SH3GL2: variants seen among roughly 807,000 people sequenced by gnomAD.
The protein encoded by SH3GL2 is endophilin-A1.
In SH3GL2, 24 loss-of-function variants were observed where a neutral mutation model predicts 46.0. The observed-to-expected ratio is 0.52, with a 90% CI of 0.38 to 0.73. The LOEUF is 0.73. Ranked by LOEUF, SH3GL2 falls within the 30% of genes least tolerant of loss-of-function variation. SH3GL2 has a pLI of 0.00. For synonymous variants in SH3GL2, 196 were observed against 147.1 expected, an observed-to-expected ratio of 1.33 and a Z score of -2.40; for missense variants, 413 against 424.2, an observed-to-expected ratio of 0.97 and a Z score of 0.23.
chr9:17,726,727 A>G lies in SH3GL2; in HGVS notation c.46-20339A>G, dbSNP rs574546135. ...TAGCATTAAAGATATTCCACCTATC[A>G]GGAATATGACATTTAAAACAATGAT... On this transcript the variant is annotated intron_variant, in intron 1 of 8. Transcript: ENST00000380607. Among the ~76,000 whole-genome samples the G allele has an allele frequency of 2.6e-4, 39 of 152,312 alleles. 2 individuals are homozygous for G. The South Asian group carries it at 8.1e-3, about 32-fold the overall frequency.
intron 1 of SH3GL2, among the ~76,000 whole-genome samples, chr9:17,730,826 G>A (rs936468189): frequency 9.2e-5 from 14 of 151,960 alleles, no homozygotes; most frequent in African/African-American, 3.1e-4. Context: ...ATAGTTCTTT[G>A]GGAAATTTCA....
rs767666599 is a variant in SH3GL2, at chr9:17,579,317, C to T, written c.45+30C>T. 4.9e-5 allele frequency: 74 copies of T among 1,505,532 alleles called. 1 individual carries two copies. The East Asian group carries it at 1.9e-3, about 39-fold the overall frequency. The allele number at this position is 1,505,532 out of a possible 1,614,324, so 93.3% of individuals were successfully genotyped here. ...GGCGCGCGGCAGGTGCGTCCCGGGG[C>T]AGTCCGGGGCGAAGCTGCGAGGGGC... On this transcript the variant is annotated intron_variant, in intron 1 of 8. Coordinates refer to ENST00000380607, the MANE Select transcript of SH3GL2 (RefSeq NM_003026.5).
At chr9:17,673,318 A>AT (rs35240605) in intron 1 of SH3GL2, among the ~76,000 whole-genome samples, 61,401 of 140,974 alleles carry the variant, frequency 0.44, 13,154 homozygotes, top group East Asian at 0.51. Context: ...CTAGTTTTTA[A>AT]TTTTTTTTTT....
intron 1 of SH3GL2, among the ~76,000 whole-genome samples, chr9:17,721,805 A>G (rs1440481612): frequency 2.0e-5 from 3 of 152,026 alleles, no homozygotes; most frequent in African/African-American, 7.2e-5. Flanking sequence ...ACTTGAGCCA[A>G]TTCCCCTAAT....
At chr9:17,634,147 G>T (rs899524294) in intron 1 of SH3GL2, among the ~76,000 whole-genome samples, 11 of 152,070 alleles carry the variant, frequency 7.2e-5, no homozygotes, top group Non-Finnish European at 1.5e-4. Flanking sequence ...GTACGGTGGA[G>T]ACCACTGGTA....
intron 1 of SH3GL2, among the ~76,000 whole-genome samples, chr9:17,639,480 A>G (rs1819621332): frequency 6.6e-6 from 1 of 152,252 alleles, no homozygotes; most frequent in Non-Finnish European, 1.5e-5. Context: ...ACAATGCGAT[A>G]CAACTGTATA....
At chr9:17,727,836 C>T (rs1338456132) in intron 1 of SH3GL2, among the ~76,000 whole-genome samples, 1 of 152,114 alleles carries the variant, frequency 6.6e-6, no homozygotes, top group African/African-American at 2.4e-5. Context: ...TGCCCCACCC[C>T]TCTCTTCTGG....
chr9:17,667,076 C>G (rs1309793799), intron 1 of SH3GL2, among the ~76,000 whole-genome samples: 1 of 152,014 alleles, frequency 6.6e-6, no homozygotes. Flanking sequence ...TGTCTTTTGG[C>G]TGTTTTTTAC....
intron 1 of SH3GL2, among the ~76,000 whole-genome samples, chr9:17,721,459 C>G (rs1036619551): frequency 6.6e-6 from 1 of 151,956 alleles, no homozygotes; most frequent in Non-Finnish European, 1.5e-5. Context: ...TTTCTTTTAA[C>G]TTTACTACAT....
intron 2 of SH3GL2, among the ~76,000 whole-genome samples, chr9:17,753,539 A>G (rs1822906731): frequency 6.6e-6 from 1 of 151,988 alleles, no homozygotes; most frequent in African/African-American, 2.4e-5. Flanking sequence ...TTTTCTTGTA[A>G]ATTTCTTTAA....
chr9:17,626,539 T>G (rs1386263876), intron 1 of SH3GL2, among the ~76,000 whole-genome samples: 1 of 152,354 alleles, frequency 6.6e-6, no homozygotes, highest in Non-Finnish European at 1.5e-5. Context: ...ATTTTTATTT[T>G]TTTAAAGAGT....
intron 1 of SH3GL2, among the ~76,000 whole-genome samples, chr9:17,580,272 T>C (rs1306559687): frequency 2.0e-5 from 3 of 152,228 alleles, no homozygotes; most frequent in Non-Finnish European, 4.4e-5. Flanking sequence ...TGATTTGGTG[T>C]TAAATAGTTT....
intron 3 of SH3GL2, among the ~76,000 whole-genome samples, chr9:17,770,265 A>G (rs1432551816): frequency 6.6e-6 from 1 of 152,224 alleles, no homozygotes; most frequent in African/African-American, 2.4e-5. Context: ...TAATAGTTGT[A>G]TCTATTTTTG....
At chr9:17,736,704 T>A (rs958445864) in intron 1 of SH3GL2, among the ~76,000 whole-genome samples, 2 of 152,124 alleles carry the variant, frequency 1.3e-5, no homozygotes, top group East Asian at 3.9e-4. Flanking sequence ...TCCATCGGCT[T>A]GCAGTTTGTC....
At chr9:17,595,770 C>G (rs1818558255) in intron 1 of SH3GL2, among the ~76,000 whole-genome samples, 1 of 151,960 alleles carries the variant, frequency 6.6e-6, no homozygotes, top group Admixed American at 6.6e-5. Context: ...AAAAGCCAGC[C>G]ATAAAGCAGA....
Position 17,789,553 on chromosome 9 carries a change from A to G in SH3GL2, c.624+3A>G, listed in dbSNP as rs374101967. ...TGTTCAATCTCTTGGAGATGGATGT[A>G]AGTGACTCCTGTGGTTTTCAATTTA... is the stretch of plus-strand genomic sequence containing the variant. On this transcript the variant is annotated splice_donor_region_variant and intron_variant, in intron 6 of 8. Transcript: ENST00000380607. 7.6e-5 allele frequency: 122 copies of G among 1,612,974 alleles called. 1 individual carries two copies. The highest frequency in any genetic ancestry group is 9.7e-5 in the Non-Finnish European group (114 of 1,179,280).
rs561950695 is a variant in SH3GL2, at chr9:17,689,347, G to GA, written c.46-57712dup. 3.0e-4 allele frequency among the ~76,000 whole-genome samples: 46 copies of GA among 151,928 alleles called. 1 individual carries two copies. The highest frequency in any genetic ancestry group is 5.6e-4 in the Non-Finnish European group (38 of 67,938). On this transcript the variant is annotated intron_variant, in intron 1 of 8. Coordinates refer to ENST00000380607, the MANE Select transcript of SH3GL2 (RefSeq NM_003026.5). Reference sequence around the variant, plus strand: ...GCACCCTGAATGAGTTCCTGTAACAGAAAAAAATGGCCACTAGGTAATAAA... The same window carrying GA: ...GCACCCTGAATGAGTTCCTGTAACAGAAAAAAAATGGCCACTAGGTAATAAA...
At chr9:17,721,225 G>A (rs992494417) in intron 1 of SH3GL2, among the ~76,000 whole-genome samples, 5 of 151,960 alleles carry the variant, frequency 3.3e-5, no homozygotes, top group East Asian at 3.9e-4. Context: ...AATTAACATC[G>A]AAATGGCCAC....
chr9:17,761,328 T>C, intron 2 of SH3GL2, 109 bp from the exon 3 acceptor site: 1 of 725,804 alleles, frequency 1.4e-6, no homozygotes, highest in Non-Finnish European at 2.5e-6. Flanking sequence ...CTGCGGGACT[T>C]GTCCGGGGCT....
Sources: allele counts gnomAD v4.1 joint callset (sites outside exome capture counted in the v4.1 genomes callset), GRCh38; gene constraint gnomAD v4.1.1; transcripts MANE v1.5; gene names NCBI Gene and HGNC (gene_info 2026-07-23, HGNC 2026-07-21).